FLNB: variants seen among roughly 807,000 people sequenced by gnomAD.
The protein encoded by FLNB is filamin B, also known as filamin-B.
In FLNB, 111 loss-of-function variants were observed where a neutral mutation model predicts 250.6. The observed-to-expected ratio is 0.44, with a 90% confidence interval of 0.38 to 0.52. FLNB has a LOEUF of 0.52. FLNB is among the 20% of genes least tolerant of loss of function. The probability of loss-of-function intolerance (pLI) is 0.00; values close to 1 mark genes in which losing one functional copy is unlikely to be tolerated. For synonymous variants in FLNB, 1,302 were observed against 1,372.1 expected (o/e 0.95, Z 1.13); for missense variants, 2,869 against 3,447.8 (o/e 0.83, Z 4.20).
intron 34 of FLNB, among the ~76,000 whole-genome samples, 192 bp from the exon 35 acceptor site, chr3:58,148,014 C>T (rs975708437): frequency 1.3e-5 from 2 of 152,252 alleles, no homozygotes; most frequent in African/African-American, 4.8e-5. Context: ...CTTGTCTTTG[C>T]TGCAAGCAGG....
intron 34 of FLNB, 35 bp from the exon 35 acceptor site, chr3:58,148,171 T>C (rs965250845): frequency 1.9e-6 from 3 of 1,613,044 alleles, no homozygotes; most frequent in Non-Finnish European, 2.5e-6. Flanking sequence ...GGTAACCACA[T>C]GTAACGGGAG....
chr3:58,151,415 AG>A (rs2097344731), intron 38 of FLNB: 1 of 143,508 alleles, frequency 7.0e-6, no homozygotes, highest in Non-Finnish European at 1.5e-5. Flanking sequence ...AAAAAAAAAA[AG>A]AGCTGTACTG....
chr3:58,090,718 G>A (rs2097225475), intron 4 of FLNB, among the ~76,000 whole-genome samples: 1 of 152,152 alleles, frequency 6.6e-6, no homozygotes. Flanking sequence ...TAATGAAGAA[G>A]TATGCATTAT....
chr3:58,030,432 C>G (rs1168852013), intron 1 of FLNB, among the ~76,000 whole-genome samples: 2 of 152,156 alleles, frequency 1.3e-5, no homozygotes, highest in African/African-American at 4.8e-5. Context: ...CATCCTAAAG[C>G]TGGTTCTCCT....
At chr3:58,131,055 T>A in intron 25 of FLNB, 147 bp downstream of exon 25, 1 of 759,308 alleles carries the variant, frequency 1.3e-6, no homozygotes, top group Non-Finnish European at 2.1e-6. Context: ...AGTTAAACAG[T>A]AGAAATTCCT....
rs757248965 is a variant in FLNB at position 58,121,215 on chromosome 3, C to T, written c.2864-26C>T. On this transcript the variant is annotated intron_variant, in intron 19 of 45. Transcript: ENST00000295956. ...CTGCTGCTGAAAAGGGTCAGCTCTTCACCTCAGCTTGTGTTTCTTTTCCAG... is the reference window on the plus strand; with the variant it reads ...CTGCTGCTGAAAAGGGTCAGCTCTTTACCTCAGCTTGTGTTTCTTTTCCAG... 3 of 1,614,178 alleles carry T rather than the reference C, an allele frequency of 1.9e-6. No homozygotes were observed. The South Asian group carries it at 3.3e-5, about 18-fold the overall frequency.
intron 1 of FLNB, among the ~76,000 whole-genome samples, chr3:58,041,432 C>G (rs1399370706): frequency 6.6e-6 from 1 of 152,120 alleles, no homozygotes; most frequent in East Asian, 1.9e-4. Flanking sequence ...GTCAGGGCCT[C>G]TGGGCTTTTG....
At chr3:58,076,435 T>C (rs2097201776) in intron 1 of FLNB, among the ~76,000 whole-genome samples, 2 of 152,134 alleles carry the variant, frequency 1.3e-5, no homozygotes, top group South Asian at 4.1e-4. Flanking sequence ...CACTCCTTTT[T>C]GTTGTGTATA....
chr3:58,085,816 G>A (rs186966794), intron 4 of FLNB, among the ~76,000 whole-genome samples: 117 of 152,238 alleles, frequency 7.7e-4, no homozygotes, highest in African/African-American at 2.5e-3. Flanking sequence ...GCAAAGCTCC[G>A]CAGAAGTTTA....
Position 58,150,242 on chromosome 3 carries a change from C to A in FLNB, c.6367+15C>A. 1 of 1,614,094 alleles carries A rather than the reference C, an allele frequency of 6.2e-7. No individual in the cohort carries two copies. Among genetic ancestry groups the A allele is most frequent in the Non-Finnish European group, 8.5e-7 (1 of 1,180,030 alleles). On this transcript the variant is annotated intron_variant, in intron 38 of 45. Coordinates refer to ENST00000295956, the MANE Select transcript of FLNB (RefSeq NM_001457.4). ...GAAAATCCCAGGTGGGCGTCGGGGA[C>A]TAGTAGGGTGGGGAAGCCTTGGCTC...
At chr3:58,122,385 C>G (rs1025960651) in intron 20 of FLNB, among the ~76,000 whole-genome samples, 2 of 150,476 alleles carry the variant, frequency 1.3e-5, no homozygotes, top group African/African-American at 4.9e-5. Flanking sequence ...CCCAGCTACT[C>G]GGGAGGCTGA....
rs6785672 is a variant in FLNB at position 58,099,168 on chromosome 3, A to C, written c.1345+260A>C. Among the ~76,000 whole-genome samples, 69,180 of 151,932 alleles carry C rather than the reference A, an allele frequency of 0.46. 17,758 individuals are homozygous for C. The highest frequency in any genetic ancestry group is 0.98 in the East Asian group (5,053 of 5,178). On this transcript the variant is annotated intron_variant, in intron 8 of 45. Coordinates refer to ENST00000295956, the MANE Select transcript of FLNB (RefSeq NM_001457.4). ...CTCCAAAACACATGTACAGGAGAGT[A>C]ATTATCCTCATGGAGGGAGGTGGGA...
chr3:58,124,742 T>C (rs1297045469), intron 22 of FLNB, among the ~76,000 whole-genome samples: 1 of 152,218 alleles, frequency 6.6e-6, no homozygotes, highest in Non-Finnish European at 1.5e-5. Context: ...CAGCAAGTTA[T>C]GGGGTAATGT....
At position 58,155,987 on chromosome 3, in the gene FLNB, A is replaced by T. The variant is rs933523056; in HGVS notation, c.6800A>T (p.Asn2267Ile). The T allele has an allele frequency of 6.2e-7, 1 of 1,613,654 alleles. No homozygotes were observed. Among genetic ancestry groups the T allele is most frequent in the African/African-American group, 1.3e-5 (1 of 74,928 alleles). ...PGNYEVSIKFNDEHIPESPYL... is the reference protein window; with the variant it reads ...PGNYEVSIKFIDEHIPESPYL... The stretch of plus-strand genomic sequence containing the variant: ...AACTACGAGGTGTCCATCAAGTTCA[A>T]TGATGAGCACATCCCGGAAAGCCCC... Residue 2267 changes from asparagine to isoleucine, a missense_variant, in exon 41 of 46, where the codon AAT becomes ATT. Coordinates refer to ENST00000295956, the MANE Select transcript of FLNB (RefSeq NM_001457.4).
chr3:58,103,987 A>G lies in FLNB; in HGVS notation c.1512A>G (p.Lys504=), dbSNP rs2097255165. 2 of 1,614,108 alleles carry G rather than the reference A, an allele frequency of 1.2e-6. No individual in the cohort carries two copies. The highest frequency in any genetic ancestry group is 1.3e-5 in the African/African-American group (1 of 75,034). ...PKGLEELVKQ[K]DFLDGVYAFE... ...GTCTGGAGGAGCTGGTGAAGCAGAA[A>G]GACTTTCTGGATGGGGTCTACGCAT... The change falls in exon 10 of 46, where the codon AAA becomes AAG. Residue 504 remains lysine, a synonymous_variant. Coordinates refer to ENST00000295956, the MANE Select transcript of FLNB (RefSeq NM_001457.4).
In FLNB at chr3:58,039,763, C is replaced by T. The variant is rs529147423; in HGVS notation, c.292+30907C>T. Among the ~76,000 whole-genome samples the T allele has an allele frequency of 5.1e-4, 78 of 152,300 alleles. No individual in the cohort carries two copies. In the South Asian group the frequency reaches 7.5e-3, roughly 15 times the overall value. On this transcript the variant is annotated intron_variant, in intron 1 of 45. Coordinates refer to ENST00000295956, the MANE Select transcript of FLNB (RefSeq NM_001457.4). ...CTTTTCATTGTTGCCCAGAATATCA[C>T]CATGATTTATTCATGGGTGGTGGGG... is the stretch of plus-strand genomic sequence containing the variant.
rs199665591 is a variant in FLNB at position 58,148,653 on chromosome 3, C to A, written c.5892C>A (p.Ile1964=). The stretch of plus-strand genomic sequence containing the variant: ...CCAATCTGTGTTCTGGTCCAGGCAT[C>A]TCCTTCATCCCCCGGGAAGTGGGCG... ...LKRLPNNHIG[I]SFIPREVGEH... is the part of the protein sequence containing the mutation. Residue 1964 remains isoleucine (I), a synonymous_variant, in exon 36 of 46, where the codon ATC becomes ATA. Transcript: ENST00000295956. The A allele has an allele frequency of 6.2e-6, 10 of 1,614,022 alleles. No homozygotes were observed. The East Asian group carries it at 2.0e-4, about 32-fold the overall frequency.
chr3:58,075,783 G>T (rs912624465), intron 1 of FLNB, among the ~76,000 whole-genome samples: 1 of 152,212 alleles, frequency 6.6e-6, no homozygotes, highest in African/African-American at 2.4e-5. Context: ...AGTTTAAGAG[G>T]TGGAGTCCAG....
At chr3:58,099,352 A>G (rs2097245279) in intron 8 of FLNB, among the ~76,000 whole-genome samples, 1 of 152,068 alleles carries the variant, frequency 6.6e-6, no homozygotes, top group African/African-American at 2.4e-5. Context: ...TATTATCCCT[A>G]GCTTGCAGGT....
Sources: gnomAD v4.1 joint callset for allele counts (sites outside exome capture counted in the v4.1 genomes callset) on GRCh38, gnomAD v4.1.1 for gene constraint, MANE v1.5 for transcripts, NCBI Gene and HGNC (gene_info 2026-07-23, HGNC 2026-07-21) for gene names.